The following NRXN1 variants were observed in gnomAD, a reference collection of about 807,000 sequenced individuals.
NRXN1 encodes the protein neurexin-1.
A neutral mutation model predicts 150.9 loss-of-function variants in NRXN1; 39 were observed. The ratio of observed to expected loss-of-function variants is 0.26; its 90% CI spans 0.20 to 0.34. The LOEUF is 0.34. Among genes scored for constraint, NRXN1 ranks in the 10% least tolerant of loss-of-function variants. The pLI is 1.00. For synonymous variants in NRXN1, 924 were observed against 757.0 expected (o/e 1.22, Z -3.62); for missense variants, 1,815 against 1,949.9 (o/e 0.93, Z 1.30).
At chr2:50,409,069 G>C (rs2082964294) in intron 17 of NRXN1, among the ~76,000 whole-genome samples, 1 of 152,132 alleles carries the variant, frequency 6.6e-6, no homozygotes, top group Admixed American at 6.5e-5. Flanking sequence ...GCCCAAGCTT[G>C]ATGCATGCTG....
chr2:50,309,807 A>G (rs1446328849), intron 17 of NRXN1, among the ~76,000 whole-genome samples: 1 of 152,152 alleles, frequency 6.6e-6, no homozygotes, highest in Non-Finnish European at 1.5e-5. Context: ...CTTCAAGATC[A>G]CACTACAGAG....
intron 17 of NRXN1, among the ~76,000 whole-genome samples, chr2:50,251,412 T>A (rs911163843): frequency 3.9e-5 from 6 of 152,194 alleles, no homozygotes; most frequent in African/African-American, 1.4e-4. Flanking sequence ...TATCACATTT[T>A]CTTTATCCGG....
chr2:50,134,037 A>T (rs1705986270), intron 18 of NRXN1, among the ~76,000 whole-genome samples: 1 of 152,102 alleles, frequency 6.6e-6, no homozygotes. Context: ...ATGCCATCTG[A>T]TTGAACAAAC....
At chr2:50,245,954 A>G (rs961536020) in intron 17 of NRXN1, among the ~76,000 whole-genome samples, 2 of 151,930 alleles carry the variant, frequency 1.3e-5, no homozygotes, top group Non-Finnish European at 2.9e-5. Context: ...GCTAAGCTCA[A>G]ATGACTAATT....
intron 17 of NRXN1, among the ~76,000 whole-genome samples, chr2:50,273,032 T>C (rs1165227192): frequency 6.6e-6 from 1 of 152,112 alleles, no homozygotes; most frequent in Non-Finnish European, 1.5e-5. Context: ...CACATAAAAA[T>C]TTTAAAAGAA....
At chr2:50,056,995 C>T (rs1252392409) in intron 19 of NRXN1, among the ~76,000 whole-genome samples, 1 of 152,052 alleles carries the variant, frequency 6.6e-6, no homozygotes, top group South Asian at 2.1e-4. Flanking sequence ...GAATCTAGGT[C>T]GCAAATCCCT....
At chr2:50,439,609 A>G (rs1426003778) in intron 17 of NRXN1, among the ~76,000 whole-genome samples, 1 of 152,078 alleles carries the variant, frequency 6.6e-6, no homozygotes, top group Non-Finnish European at 1.5e-5. Flanking sequence ...GATTGAGACC[A>G]TCCTGGCTAA....
At position 50,236,824 on chromosome 2, in the gene NRXN1, A is replaced by C; in HGVS notation, c.3511T>G (p.Ser1171Ala). The C allele has an allele frequency of 6.2e-7, 1 of 1,613,300 alleles. No homozygotes were observed. Residue 1171 changes from serine (S) to alanine (A), a missense_variant, in exon 18 of 23, where the codon TCT (serine) becomes GCT (alanine). This residue lies in a region of NRXN1 where 339 missense variants were observed against 440.3 expected (regional missense o/e 0.77). Transcript: ENST00000401669. ...KEAVLVRVDS[S>A]SGLGDYLELH... ...TCTAGGTAGTCACCCAAGCCTGAAG[A>C]ACTGTCCACTCGCACCAATACGGCT...
At chr2:50,824,436 G>A (rs1013873355) in intron 5 of NRXN1, among the ~76,000 whole-genome samples, 2 of 151,938 alleles carry the variant, frequency 1.3e-5, no homozygotes, top group African/African-American at 4.8e-5. Flanking sequence ...AAAGATGTAG[G>A]GAAAGGTGAT....
chr2:50,575,366 C>A (rs1384336114), intron 8 of NRXN1, among the ~76,000 whole-genome samples: 1 of 152,116 alleles, frequency 6.6e-6, no homozygotes, highest in Non-Finnish European at 1.5e-5. Context: ...GCATCTTCCC[C>A]AGGGTGGGCG....
intron 18 of NRXN1, among the ~76,000 whole-genome samples, chr2:50,178,749 A>G (rs1229819304): frequency 3.9e-5 from 6 of 152,154 alleles, no homozygotes; most frequent in Non-Finnish European, 8.8e-5. Flanking sequence ...TGTATAATAC[A>G]TACCATAAAG....
chr2:50,450,788 A>T (rs2086886535), intron 17 of NRXN1, among the ~76,000 whole-genome samples: 1 of 152,206 alleles, frequency 6.6e-6, no homozygotes, highest in Non-Finnish European at 1.5e-5. Flanking sequence ...CCAGAGAGAC[A>T]GAATTCACTA....
At chr2:50,759,437 C>A (rs900687496) in intron 5 of NRXN1, among the ~76,000 whole-genome samples, 3 of 151,792 alleles carry the variant, frequency 2.0e-5, no homozygotes, top group Non-Finnish European at 2.9e-5. Flanking sequence ...TAAAAGGAAT[C>A]GGGCACTAAT....
At chr2:49,953,616 C>T (rs1432316493) in intron 21 of NRXN1, among the ~76,000 whole-genome samples, 1 of 151,994 alleles carries the variant, frequency 6.6e-6, no homozygotes, top group Non-Finnish European at 1.5e-5. Flanking sequence ...TACACATCAT[C>T]TTGGACTGGT....
At chr2:50,222,778 T>G (rs1348102108) in intron 18 of NRXN1, among the ~76,000 whole-genome samples, 1 of 151,864 alleles carries the variant, frequency 6.6e-6, no homozygotes, top group Non-Finnish European at 1.5e-5. Flanking sequence ...ATGATAATAT[T>G]TCATCTTTTT....
At chr2:50,993,417 T>C (rs1698832334) in intron 2 of NRXN1, among the ~76,000 whole-genome samples, 1 of 151,904 alleles carries the variant, frequency 6.6e-6, no homozygotes, top group Non-Finnish European at 1.5e-5. Flanking sequence ...TTCCCTTTGA[T>C]TCTCAGATAT....
chr2:50,162,636 G>C (rs1350276902), intron 18 of NRXN1, among the ~76,000 whole-genome samples: 4 of 151,932 alleles, frequency 2.6e-5, no homozygotes, highest in Non-Finnish European at 5.9e-5. Context: ...GATTTCAAAT[G>C]TATATTACAC....
At chr2:50,127,629 C>G (rs975113182) in intron 18 of NRXN1, among the ~76,000 whole-genome samples, 2 of 152,106 alleles carry the variant, frequency 1.3e-5, no homozygotes, top group Admixed American at 6.6e-5. Flanking sequence ...TGTCTTATCA[C>G]TTATCTCTCA....
chr2:50,861,041 T>C (rs1410437982), intron 5 of NRXN1, among the ~76,000 whole-genome samples: 1 of 152,044 alleles, frequency 6.6e-6, no homozygotes, highest in Non-Finnish European at 1.5e-5. Context: ...TAAATGGGCA[T>C]AGACATGATT....
Sources: allele counts gnomAD v4.1 joint callset (sites outside exome capture counted in the v4.1 genomes callset), GRCh38; gene constraint gnomAD v4.1.1; regional missense constraint gnomAD v4.1.1; transcripts MANE v1.5; gene names NCBI Gene and HGNC (gene_info 2026-07-23, HGNC 2026-07-21).